GYG2: variants seen among roughly 807,000 people sequenced by gnomAD.
The protein encoded by GYG2 is glycogenin 2.
GYG2 carries 29 observed loss-of-function variants against 29.4 expected under a neutral mutation model. The observed-to-expected ratio is 0.99, with a 90% CI of 0.74 to 1.35. The LOEUF (loss-of-function observed/expected upper bound fraction) is 1.35. Ranked by LOEUF, GYG2 falls within the 40% of genes most tolerant of loss-of-function variation. The pLI is 0.00. For missense variants in GYG2, 370 were observed against 385.7 expected (o/e 0.96, Z 0.34); for synonymous variants, 167 against 172.3 (o/e 0.97, Z 0.24).
intron 9 of GYG2, 30 bp from the exon 10 acceptor site, chrX:2,877,170 C>T (rs1481845549): frequency 8.3e-7 from 1 of 1,203,919 alleles, no homozygotes; most frequent in East Asian, 3.0e-5. Flanking sequence ...CAGCCCACCG[C>T]AGACTAATGA....
At chrX:2,863,021 C>T (rs1247513403) in intron 8 of GYG2, among the ~76,000 whole-genome samples, 1 of 108,904 alleles carries the variant, frequency 9.2e-6, no homozygotes, top group African/African-American at 3.3e-5. Context: ...AATCTCACCA[C>T]TGCACTCCCG....
intron 3 of GYG2, among the ~76,000 whole-genome samples, chrX:2,846,036 C>CACATATATATATATATATATAT (rs1199380183): frequency 9.1e-5 from 3 of 33,051 alleles, no homozygotes; most frequent in African/African-American, 1.1e-4. Context: ...TATATATACA[C>CACATATATATATATATATATAT]ATATATATAT....
chrX:2,841,946 A>G (rs190546654), intron 2 of GYG2, among the ~76,000 whole-genome samples: 1 of 111,993 alleles, frequency 8.9e-6, no homozygotes. Context: ...AGTCTTGTGC[A>G]CAGAGAATTA....
In GYG2 at chrX:2,876,801, T is replaced by C. The variant is rs968313992; in HGVS notation, c.1144-399T>C. On this transcript the variant is annotated intron_variant, in intron 9 of 10. Transcript: ENST00000398806. Reference sequence around the variant, plus strand: ...CGTCTCTACTAAAAATACAAAAAATTAGCTGGGCGTGGTGGTGGGCGCCTG... The same window carrying C: ...CGTCTCTACTAAAAATACAAAAAATCAGCTGGGCGTGGTGGTGGGCGCCTG... Among the ~76,000 whole-genome samples the C allele has an allele frequency of 1.8e-3, 199 of 109,371 alleles. 1 individual carries two copies. Among genetic ancestry groups the C allele is most frequent in the Non-Finnish European group, 3.3e-3 (174 of 52,409 alleles). The allele number at this position is 109,371 out of a possible 115,157, so 95.0% of individuals were successfully genotyped here. A position where few individuals can be genotyped will look rare whatever the true frequency, so the allele number is the denominator to read the frequency against.
chrX:2,854,177 A>T, intron 4 of GYG2, 23 bp downstream of exon 4: 1 of 1,101,882 alleles, frequency 9.1e-7, no homozygotes, highest in Non-Finnish European at 1.2e-6. Context: ...TCTCTGCTTG[A>T]TAGGAAACCC....
In GYG2 at chrX:2,881,110, G is replaced by A. The variant is rs1472312023; in HGVS notation, c.1310G>A (p.Ser437Asn). 1 of 1,208,430 alleles carries A rather than the reference G, an allele frequency of 8.3e-7. No homozygotes were observed. Among genetic ancestry groups the A allele is most frequent in the Non-Finnish European group, 1.1e-6 (1 of 893,212 alleles). The change falls in exon 11 of 11, where the codon AGC (serine) becomes AAC (asparagine). Residue 437 changes from serine to asparagine, a missense_variant. Ser to Asn is a conservative substitution (Grantham distance 46). Coordinates refer to ENST00000398806, the MANE Select transcript of GYG2 (RefSeq NM_001079855.2). ...ATCGAAGAGAAGGTGAAGGAATTGA[G>A]CCCCGAGGAAGAGAGGAGGAAGTGG... Reference protein sequence around the residue: ...ISIEEKVKELSPEEERRKWEE... With the variant: ...ISIEEKVKELNPEEERRKWEE...
At chrX:2,870,326 C>G (rs1303049187) in intron 8 of GYG2, among the ~76,000 whole-genome samples, 1 of 110,469 alleles carries the variant, frequency 9.1e-6, no homozygotes, top group African/African-American at 3.3e-5. Context: ...CTCAGCCTCC[C>G]AACTAGCTGG....
rs932193287 is a variant in GYG2 at position 2,843,477 on chromosome X, C to T, written c.149+123C>T. On this transcript the variant is annotated intron_variant, in intron 3 of 10. Coordinates refer to ENST00000398806, the MANE Select transcript of GYG2 (RefSeq NM_001079855.2). Reference sequence around the variant, plus strand: ...GCCCTTCTTCATAGGCCTGGATGGCCGGCAGTCATGATGGGCATCTGACGT... The same window carrying T: ...GCCCTTCTTCATAGGCCTGGATGGCTGGCAGTCATGATGGGCATCTGACGT... 7.3e-5 allele frequency: 38 copies of T among 518,561 alleles called. 1 individual carries two copies. Among genetic ancestry groups the T allele is most frequent in the East Asian group, 6.3e-4 (17 of 26,793 alleles). The allele number at this position is 518,561 out of a possible 1,213,427, so 42.7% of individuals were successfully genotyped here.
intron 2 of GYG2, among the ~76,000 whole-genome samples, chrX:2,836,770 C>T (rs757331370): frequency 2.8e-4 from 30 of 108,967 alleles, no homozygotes; most frequent in Admixed American, 2.4e-3. Context: ...CCCAGGAGTT[C>T]GAGACCAGCT....
intron 2 of GYG2, among the ~76,000 whole-genome samples, chrX:2,834,660 C>T (rs1484009282): frequency 8.9e-6 from 1 of 112,036 alleles, no homozygotes; most frequent in African/African-American, 3.2e-5. Context: ...CCACAGTGAA[C>T]GTGTAATGCA....
At chrX:2,839,775 A>G in intron 2 of GYG2, among the ~76,000 whole-genome samples, 1 of 112,305 alleles carries the variant, frequency 8.9e-6, no homozygotes, top group Non-Finnish European at 1.9e-5. Flanking sequence ...ACTGTGATAA[A>G]TAAAAAGGAA....
At chrX:2,856,407 T>G in intron 5 of GYG2, 91 bp from the exon 6 acceptor site, 1 of 802,631 alleles carries the variant, frequency 1.2e-6, no homozygotes. Context: ...AAGGCAAGTG[T>G]TTATGTTGAG....
chrX:2,856,615 C>T lies in GYG2; in HGVS notation c.605C>T (p.Ala202Val). 8.3e-7 allele frequency: 1 copy of T among 1,205,002 alleles called. No individual in the cohort carries two copies. Among genetic ancestry groups the T allele is most frequent in the South Asian group, 1.8e-5 (1 of 56,237 alleles). Reference protein sequence around the residue: ...SSNTMYTYSPAFKQFGSSAKV... With the variant: ...SSNTMYTYSPVFKQFGSSAKV... ...AACACGATGTACACTTACAGCCCTGCCTTCAAGCAGTAAGTTCTCCACCCT... is the reference window on the plus strand; with the variant it reads ...AACACGATGTACACTTACAGCCCTGTCTTCAAGCAGTAAGTTCTCCACCCT... The change falls in exon 6 of 11, where the codon GCC becomes GTC. Residue 202 changes from alanine to valine, a missense_variant. By Grantham distance (64) the Ala-to-Val change is moderately conservative (BLOSUM62 0). Transcript: ENST00000398806.
chrX:2,881,040 T>TG lies in GYG2; in HGVS notation c.1252-11dup. The TG allele has an allele frequency of 1.7e-6, 2 of 1,208,267 alleles. No homozygotes were observed. The highest frequency in any genetic ancestry group is 2.2e-6 in the Non-Finnish European group (2 of 893,072). ...GCTGCAAAAACCATCTCCCACTGAC[T>TG]GTCTTCCCTAGGTCGACCTGGCCGT... On this transcript the variant is annotated splice_polypyrimidine_tract_variant and intron_variant, in intron 10 of 10. Coordinates refer to ENST00000398806, the MANE Select transcript of GYG2 (RefSeq NM_001079855.2).
chrX:2,856,010 A>G (rs2087975205), intron 5 of GYG2, among the ~76,000 whole-genome samples: 1 of 112,311 alleles, frequency 8.9e-6, no homozygotes, highest in Admixed American at 9.5e-5. Flanking sequence ...GACCCATGGT[A>G]GAATATAGGG....
intron 3 of GYG2, among the ~76,000 whole-genome samples, chrX:2,850,501 G>A (rs2087844419): frequency 9.0e-6 from 1 of 111,675 alleles, no homozygotes; most frequent in African/African-American, 3.3e-5. Flanking sequence ...TGCAATCAGA[G>A]GTGGGTGGGA....
rs1025706332 is a variant in GYG2 at position 2,859,960 on chromosome X, C to G, written c.732C>G (p.His244Gln). Residue 244 changes from histidine (H) to glutamine (Q), a missense_variant, in exon 7 of 11, where the codon CAC becomes CAG. Coordinates refer to ENST00000398806, the MANE Select transcript of GYG2 (RefSeq NM_001079855.2). ...LEQGSASSSQ[H>Q]QAAFLHLWWT... ...AAGGCTCAGCGTCCAGCAGCCAGCA[C>G]CAGGCGGCATTCCTTCATCTCTGGT... is the stretch of plus-strand genomic sequence containing the variant. 1.7e-6 allele frequency: 2 copies of G among 1,200,012 alleles called. No individual in the cohort carries two copies. Among genetic ancestry groups the G allele is most frequent in the African/African-American group, 3.5e-5 (2 of 56,781 alleles).
At chrX:2,833,708 C>T (rs1204751252) in intron 2 of GYG2, among the ~76,000 whole-genome samples, 1 of 112,371 alleles carries the variant, frequency 8.9e-6, no homozygotes, top group South Asian at 3.7e-4. Context: ...CACTGAGATC[C>T]TCATGAAGGG....
chrX:2,846,176 C>T (rs1284889218), intron 3 of GYG2, among the ~76,000 whole-genome samples: 4 of 96,953 alleles, frequency 4.1e-5, no homozygotes, highest in African/African-American at 7.6e-5. Flanking sequence ...CAGTGATTCT[C>T]CTGCCTCAGC....
Sources: gnomAD v4.1 joint callset for allele counts (sites outside exome capture counted in the v4.1 genomes callset) on GRCh38, gnomAD v4.1.1 for gene constraint, MANE v1.5 for transcripts, NCBI Gene and HGNC (gene_info 2026-07-23, HGNC 2026-07-21) for gene names.